EPB41L4B: variants seen among roughly 807,000 people sequenced by gnomAD.
EPB41L4B encodes the protein band 4.1-like protein 4B.
In EPB41L4B, 30 loss-of-function variants were observed where a neutral mutation model predicts 112.5. The observed-to-expected ratio is 0.27, with a 90% confidence interval of 0.20 to 0.36. The LOEUF is 0.36. Among genes scored for constraint, EPB41L4B ranks in the 10% least tolerant of loss-of-function variants. The pLI, the probability that EPB41L4B is intolerant of heterozygous loss-of-function variation, is 1.00. For synonymous variants in EPB41L4B, 408 were observed against 439.7 expected, an observed-to-expected ratio of 0.93 and a Z score of 0.90; for missense variants, 1,024 against 1,133.3, an observed-to-expected ratio of 0.90 and a Z score of 1.38.
intron 1 of EPB41L4B, among the ~76,000 whole-genome samples, chr9:109,283,815 G>A (rs115406585): frequency 1.3e-3 from 194 of 152,176 alleles, no homozygotes; most frequent in African/African-American, 4.5e-3. Context: ...GGCCAGGCAT[G>A]GTGGCTCATG....
intron 20 of EPB41L4B, among the ~76,000 whole-genome samples, chr9:109,197,096 A>G (rs1181292942): frequency 6.6e-6 from 1 of 152,212 alleles, no homozygotes; most frequent in Non-Finnish European, 1.5e-5. Flanking sequence ...TTCCTTGATC[A>G]CGTGCCAACT....
At chr9:109,298,300 C>T (rs1836816566) in intron 1 of EPB41L4B, among the ~76,000 whole-genome samples, 1 of 143,046 alleles carries the variant, frequency 7.0e-6, no homozygotes, top group African/African-American at 2.6e-5. Context: ...AGAAAATTTC[C>T]CAATCATATA....
intron 16 of EPB41L4B, among the ~76,000 whole-genome samples, chr9:109,214,480 T>A (rs903775941): frequency 5.3e-5 from 8 of 152,208 alleles, no homozygotes; most frequent in Non-Finnish European, 1.2e-4. Context: ...GTGGAGATAT[T>A]CCGAAGAAGA....
intron 22 of EPB41L4B, among the ~76,000 whole-genome samples, chr9:109,189,927 G>A (rs1832401198): frequency 6.7e-6 from 1 of 149,450 alleles, no homozygotes; most frequent in Non-Finnish European, 1.5e-5. Flanking sequence ...ACCATGCCCA[G>A]CTTTTTCTTT....
intron 1 of EPB41L4B, among the ~76,000 whole-genome samples, chr9:109,306,084 A>G (rs1266819596): frequency 1.3e-5 from 2 of 152,212 alleles, no homozygotes; most frequent in Non-Finnish European, 2.9e-5. Context: ...ATGACTTTTA[A>G]GTCTAGTTTT....
chr9:109,281,606 G>T (rs1038465462), intron 1 of EPB41L4B, among the ~76,000 whole-genome samples: 1 of 152,098 alleles, frequency 6.6e-6, no homozygotes, highest in African/African-American at 2.4e-5. Context: ...GGAGGCTGAG[G>T]TCGGGGAGGT....
At chr9:109,246,962 G>GT (rs1328630733) in intron 14 of EPB41L4B, among the ~76,000 whole-genome samples, 8 of 152,052 alleles carry the variant, frequency 5.3e-5, no homozygotes, top group African/African-American at 7.2e-5. Context: ...TGAGGCTAGC[G>GT]TTTTTTTAAA....
At chr9:109,230,403 G>A (rs894324098) in intron 15 of EPB41L4B, among the ~76,000 whole-genome samples, 3 of 152,294 alleles carry the variant, frequency 2.0e-5, no homozygotes, top group Non-Finnish European at 4.4e-5. Flanking sequence ...GTTTGCCTAC[G>A]TGACCTTAGG....
intron 1 of EPB41L4B, among the ~76,000 whole-genome samples, chr9:109,303,313 G>A (rs1198333466): frequency 6.6e-6 from 1 of 151,840 alleles, no homozygotes; most frequent in African/African-American, 2.4e-5. Flanking sequence ...AAATAAACAT[G>A]TATTACTTTT....
At chr9:109,313,305 A>G (rs1428140470) in intron 1 of EPB41L4B, among the ~76,000 whole-genome samples, 4 of 152,246 alleles carry the variant, frequency 2.6e-5, no homozygotes, top group African/African-American at 9.6e-5. Context: ...AGCAAACAAA[A>G]ACATTTTGGA....
chr9:109,226,804 AT>A (rs1275112324), intron 15 of EPB41L4B, among the ~76,000 whole-genome samples: 3 of 147,674 alleles, frequency 2.0e-5, no homozygotes, highest in Non-Finnish European at 4.5e-5. Context: ...AAGAATATAT[AT>A]ATGAAGAACA....
chr9:109,288,363 G>A (rs1346856805), intron 1 of EPB41L4B, among the ~76,000 whole-genome samples: 1 of 152,020 alleles, frequency 6.6e-6, no homozygotes, highest in African/African-American at 2.4e-5. Context: ...CAGGAGGTTC[G>A]CTTGAGTCCA....
intron 1 of EPB41L4B, chr9:109,307,168 G>C (rs1396348128): frequency 4.6e-6 from 2 of 436,416 alleles, no homozygotes; most frequent in South Asian, 3.4e-5. Flanking sequence ...ACATGTTACA[G>C]TAATTCTATT....
At chr9:109,234,850 C>A (rs1041772433) in intron 15 of EPB41L4B, among the ~76,000 whole-genome samples, 1 of 152,150 alleles carries the variant, frequency 6.6e-6, no homozygotes, top group Admixed American at 6.5e-5. Flanking sequence ...AGAGACAGAC[C>A]GTGTCTCAAA....
At chr9:109,187,774 G>A (rs1247643978) in intron 22 of EPB41L4B, among the ~76,000 whole-genome samples, 1 of 152,212 alleles carries the variant, frequency 6.6e-6, no homozygotes, top group African/African-American at 2.4e-5. Flanking sequence ...AAGCCAAAAT[G>A]TGTCCTGGCC....
In EPB41L4B at chr9:109,174,933, T is replaced by C. The variant is rs966332002; in HGVS notation, c.2634-310A>G. Among the ~76,000 whole-genome samples, 46 of 148,308 alleles carry C rather than the reference T, an allele frequency of 3.1e-4. No individual in the cohort carries two copies. In the South Asian group the frequency reaches 3.5e-3, roughly 11 times the overall value. On this transcript the variant is annotated intron_variant, in intron 25 of 25. Coordinates refer to ENST00000374566, the MANE Select transcript of EPB41L4B (RefSeq NM_019114.5). ...AAGTGTTTTTTTTTTTTTTTTTTTTTTGAGATGGAGTCTCACTCTGTCACC... is the reference window on the plus strand; with the variant it reads ...AAGTGTTTTTTTTTTTTTTTTTTTTCTGAGATGGAGTCTCACTCTGTCACC...
intron 2 of EPB41L4B, among the ~76,000 whole-genome samples, chr9:109,274,949 T>C (rs1835756341): frequency 6.6e-6 from 1 of 152,194 alleles, no homozygotes; most frequent in African/African-American, 2.4e-5. Context: ...AGTGGGAAAG[T>C]GAGACAGTGC....
chr9:109,252,133 C>A (rs1385157231), intron 12 of EPB41L4B, among the ~76,000 whole-genome samples: 1 of 152,182 alleles, frequency 6.6e-6, no homozygotes, highest in Non-Finnish European at 1.5e-5. Flanking sequence ...CTGGTGGGGT[C>A]AAACCACAGG....
chr9:109,174,912 G>GTTTTTTTT (rs35440007), intron 25 of EPB41L4B, among the ~76,000 whole-genome samples: 2 of 74,556 alleles, frequency 2.7e-5, no homozygotes, highest in African/African-American at 1.1e-4. Context: ...TCAGTAAAGT[G>GTTTTTTTT]TTTTTTTTTT....
Sources: allele counts gnomAD v4.1 joint callset (sites outside exome capture counted in the v4.1 genomes callset), GRCh38; gene constraint gnomAD v4.1.1; transcripts MANE v1.5; gene names NCBI Gene and HGNC (gene_info 2026-07-23, HGNC 2026-07-21).